Variants in STXBP6 observed in about 807,000 individuals in gnomAD.
The protein encoded by STXBP6 is syntaxin binding protein 6, also known as syntaxin-binding protein 6.
In STXBP6, 21 loss-of-function variants were observed where a neutral mutation model predicts 26.9. The observed-to-expected ratio is 0.78, with a 90% CI of 0.55 to 1.12. The LOEUF (loss-of-function observed/expected upper bound fraction) is 1.12, where lower values mean the gene tolerates loss of function less well. Ranked by LOEUF, STXBP6 falls within the 50% of genes most tolerant of loss-of-function variation. The pLI, the probability that STXBP6 is intolerant of heterozygous loss-of-function variation, is 0.00. For synonymous variants in STXBP6, 97 were observed against 92.6 expected, an observed-to-expected ratio of 1.05 and a Z score of -0.27; for missense variants, 232 against 257.9, an observed-to-expected ratio of 0.90 and a Z score of 0.69.
At chr14:24,912,044 T>C (rs1167701604) in intron 2 of STXBP6, among the ~76,000 whole-genome samples, 1 of 152,122 alleles carries the variant, frequency 6.6e-6, no homozygotes, top group Non-Finnish European at 1.5e-5. Context: ...ACTTGTGCAA[T>C]GGAAAGAGAG....
chr14:24,914,050 A>C (rs1405575079), intron 2 of STXBP6, among the ~76,000 whole-genome samples: 1 of 152,202 alleles, frequency 6.6e-6, no homozygotes, highest in African/African-American at 2.4e-5. Flanking sequence ...ATTTGGTAAC[A>C]GATACTAAAG....
intron 2 of STXBP6, among the ~76,000 whole-genome samples, chr14:24,947,195 G>C (rs1041276919): frequency 2.7e-5 from 4 of 148,192 alleles, no homozygotes; most frequent in African/African-American, 1.0e-4. Context: ...AATATTAATA[G>C]AGAGCTCCAT....
intron 2 of STXBP6, among the ~76,000 whole-genome samples, chr14:24,862,928 A>G (rs1440627537): frequency 6.6e-6 from 1 of 152,186 alleles, no homozygotes; most frequent in Non-Finnish European, 1.5e-5. Context: ...CCATATGCCA[A>G]CGAGGAAGCG....
At chr14:24,971,763 A>C (rs543651623) in intron 2 of STXBP6, among the ~76,000 whole-genome samples, 23 of 152,272 alleles carry the variant, frequency 1.5e-4, no homozygotes, top group Admixed American at 1.0e-3. Flanking sequence ...CTCTGCATAC[A>C]TGCTTTCACA....
chr14:24,886,615 C>G (rs1425620509), intron 2 of STXBP6, among the ~76,000 whole-genome samples: 3 of 152,144 alleles, frequency 2.0e-5, no homozygotes, highest in Non-Finnish European at 4.4e-5. Flanking sequence ...GCCAACAATT[C>G]TGTTCACCCT....
intron 2 of STXBP6, among the ~76,000 whole-genome samples, chr14:24,892,204 T>G (rs1046518014): frequency 3.3e-5 from 5 of 151,918 alleles, no homozygotes; most frequent in East Asian, 3.9e-4. Flanking sequence ...ATACATTATT[T>G]TTTTTTTTTA....
chr14:25,045,854 C>G (rs1361048921), intron 1 of STXBP6, among the ~76,000 whole-genome samples: 2 of 151,870 alleles, frequency 1.3e-5, no homozygotes, highest in Non-Finnish European at 2.9e-5. Flanking sequence ...GTGATCCACC[C>G]GCCTCAGCCT....
chr14:24,935,225 G>A (rs2139938793), intron 2 of STXBP6, among the ~76,000 whole-genome samples: 1 of 152,278 alleles, frequency 6.6e-6, no homozygotes, highest in South Asian at 2.1e-4. Flanking sequence ...ATAAGCCACA[G>A]TTAATCCTGC....
At chr14:25,026,194 G>T (rs908447874) in intron 1 of STXBP6, among the ~76,000 whole-genome samples, 1 of 152,078 alleles carries the variant, frequency 6.6e-6, no homozygotes, top group African/African-American at 2.4e-5. Context: ...TTAGTATAAA[G>T]CCCAACCTAC....
intron 2 of STXBP6, among the ~76,000 whole-genome samples, chr14:24,885,231 A>C (rs2070532376): frequency 6.6e-6 from 1 of 152,158 alleles, no homozygotes; most frequent in Non-Finnish European, 1.5e-5. Context: ...AAGAAAAACC[A>C]CACCTGATAC....
At chr14:25,007,702 T>C (rs115574698) in intron 1 of STXBP6, among the ~76,000 whole-genome samples, 1 of 152,220 alleles carries the variant, frequency 6.6e-6, no homozygotes, top group African/African-American at 2.4e-5. Context: ...AAGGAATGGA[T>C]GAAATCAATA....
intron 2 of STXBP6, among the ~76,000 whole-genome samples, chr14:24,949,769 T>C (rs1329109260): frequency 1.3e-5 from 2 of 152,204 alleles, no homozygotes; most frequent in Non-Finnish European, 2.9e-5. Context: ...TAACTGGATA[T>C]GTAAACAGGC....
At chr14:25,011,903 G>A (rs2075040796) in intron 1 of STXBP6, among the ~76,000 whole-genome samples, 1 of 152,178 alleles carries the variant, frequency 6.6e-6, no homozygotes, top group Non-Finnish European at 1.5e-5. Flanking sequence ...ATCTTCAAAA[G>A]TCAATACTCT....
chr14:24,890,479 A>G (rs1285245748), intron 2 of STXBP6, among the ~76,000 whole-genome samples: 1 of 152,234 alleles, frequency 6.6e-6, no homozygotes, highest in African/African-American at 2.4e-5. Flanking sequence ...CATGAAATTA[A>G]TTCAAGAAAA....
At chr14:24,900,516 T>C (rs2071172689) in intron 2 of STXBP6, among the ~76,000 whole-genome samples, 1 of 152,176 alleles carries the variant, frequency 6.6e-6, no homozygotes, top group Non-Finnish European at 1.5e-5. Flanking sequence ...CCTCATCACA[T>C]CTGATATAGA....
At chr14:24,846,902 C>CA (rs1223552174) in intron 4 of STXBP6, among the ~76,000 whole-genome samples, 1 of 151,968 alleles carries the variant, frequency 6.6e-6, no homozygotes, top group Non-Finnish European at 1.5e-5. Flanking sequence ...ATAATGTGAA[C>CA]AAAAAAGACC....
intron 2 of STXBP6, among the ~76,000 whole-genome samples, chr14:24,910,836 A>G (rs2071545236): frequency 6.6e-6 from 1 of 152,180 alleles, no homozygotes; most frequent in Non-Finnish European, 1.5e-5. Flanking sequence ...ACACCTCACA[A>G]CAGAGGAGCC....
chr14:25,002,951 T>C (rs2074800449), intron 1 of STXBP6, among the ~76,000 whole-genome samples: 3 of 151,866 alleles, frequency 2.0e-5, no homozygotes, highest in Admixed American at 1.3e-4. Context: ...GGTCTCAAAC[T>C]CCTGACCTCA....
intron 5 of STXBP6, chr14:24,817,763 C>T: frequency 3.7e-6 from 1 of 273,064 alleles, no homozygotes; most frequent in Non-Finnish European, 7.2e-6. Flanking sequence ...CAATCTGAGG[C>T]TCTGGCCTCC....
Sources: allele counts gnomAD v4.1 joint callset (sites outside exome capture counted in the v4.1 genomes callset), GRCh38; gene constraint gnomAD v4.1.1; transcripts MANE v1.5; gene names NCBI Gene and HGNC (gene_info 2026-07-23, HGNC 2026-07-21).